RAB35: variants seen among roughly 807,000 people sequenced by gnomAD.
The protein encoded by RAB35 is RAB35, member RAS oncogene family, also known as ras-related protein Rab-35.
A neutral mutation model predicts 28.9 loss-of-function variants in RAB35; 4 were observed. The observed-to-expected ratio is 0.14, with a 90% confidence interval of 0.07 to 0.32. The LOEUF is 0.32. Ranked by LOEUF, RAB35 falls within the 10% of genes least tolerant of loss-of-function variation. The probability of loss-of-function intolerance (pLI) is 1.00; values close to 1 mark genes in which losing one functional copy is unlikely to be tolerated. For synonymous variants in RAB35, 99 were observed against 105.1 expected (o/e 0.94, Z 0.35); for missense variants, 128 against 274.0 (o/e 0.47, Z 3.76).
In RAB35 at chr12:120,095,582, C is replaced by G. The variant is rs1280194700; in HGVS notation, c.*1663G>C. On this transcript the variant is annotated 3_prime_UTR_variant, in exon 6 of 6. Transcript: ENST00000229340. ...CGCTTCTGCTCCTGCCGCCCCCGCCCCCGACCAGATGAGGCTGCCTGCTGG... is the reference window on the plus strand; with the variant it reads ...CGCTTCTGCTCCTGCCGCCCCCGCCGCCGACCAGATGAGGCTGCCTGCTGG... 6.6e-6 allele frequency: 1 copy of G among 152,376 alleles called. No individual in the cohort carries two copies. Among genetic ancestry groups the G allele is most frequent in the Admixed American group, 6.6e-5 (1 of 15,264 alleles). 9.4% of individuals were successfully genotyped at this position (152,376 alleles called of 1,614,324 possible). A position where few individuals can be genotyped will look rare whatever the true frequency, so the allele number is the denominator to read the frequency against.
Position 120,103,713 on chromosome 12 carries a change from C to A in RAB35, c.227+113G>T. On this transcript the variant is annotated intron_variant, in intron 3 of 5. Coordinates refer to ENST00000229340, the MANE Select transcript of RAB35 (RefSeq NM_006861.7). This position sits in a 1 kb window ranked among gnomAD's most constrained non-coding sequence, Gnocchi z 6.1. Reference sequence around the variant, plus strand: ...TACAGCCAACAACAGGCTCACTTCCCGACAGCCTCAGGGACCCACCAGTGA... The same window carrying A: ...TACAGCCAACAACAGGCTCACTTCCAGACAGCCTCAGGGACCCACCAGTGA... 1.4e-6 allele frequency: 2 copies of A among 1,478,236 alleles called. No homozygotes were observed. Among genetic ancestry groups the A allele is most frequent in the East Asian group, 2.3e-5 (1 of 42,938 alleles). 91.6% of individuals were successfully genotyped at this position (1,478,236 alleles called of 1,614,324 possible). A position where few individuals can be genotyped will look rare whatever the true frequency, so the allele number is the denominator to read the frequency against.
At chr12:120,110,847 C>A (rs1876087745) in intron 1 of RAB35, among the ~76,000 whole-genome samples, 2 of 152,220 alleles carry the variant, frequency 1.3e-5, no homozygotes, top group Admixed American at 1.3e-4. Context: ...CTGCAGGGCT[C>A]ATGCTCAGGG....
chr12:120,098,516 TGGTGTGGGACAGAG>T (rs1875527584), intron 5 of RAB35, among the ~76,000 whole-genome samples: 3 of 152,260 alleles, frequency 2.0e-5, no homozygotes, highest in Non-Finnish European at 4.4e-5. Context: ...TGCTTGGCTT[TGGTGTGGGACAGAG>T]GTTTACTCAG....
chr12:120,116,202 C>A (rs747889804), intron 1 of RAB35, among the ~76,000 whole-genome samples: 10 of 152,192 alleles, frequency 6.6e-5, no homozygotes, highest in Non-Finnish European at 1.0e-4. Context: ...ATCCTCACAC[C>A]ACCCAGCAAG....
Position 120,116,685 on chromosome 12 carries a change from T to G in RAB35, c.-35A>C, listed in dbSNP as rs1178790980. 2.6e-5 allele frequency: 32 copies of G among 1,219,266 alleles called. No homozygotes were observed. The highest frequency in any genetic ancestry group is 3.1e-4 in the Middle Eastern group (1 of 3,184). The allele number at this position is 1,219,266 out of a possible 1,614,324, so 75.5% of individuals were successfully genotyped here. On this transcript the variant is annotated 5_prime_UTR_variant, in exon 1 of 6. Transcript: ENST00000229340. ...GGGCGGTGCGCGCGGGCGGGCGGGG[T>G]CGGTACTGGCCTCGCGATCCGCAGC...
chr12:120,096,764 A>G lies in RAB35; in HGVS notation c.*481T>C. 2 of 1,290,178 alleles carry G rather than the reference A, an allele frequency of 1.6e-6. No homozygotes were observed. Among genetic ancestry groups the G allele is most frequent in the Non-Finnish European group, 2.0e-6 (2 of 989,128 alleles). 79.9% of individuals were successfully genotyped at this position (1,290,178 alleles called of 1,614,324 possible). A position where few individuals can be genotyped will look rare whatever the true frequency, so the allele number is the denominator to read the frequency against. On this transcript the variant is annotated 3_prime_UTR_variant, in exon 6 of 6. Transcript: ENST00000229340. ...GACAACCTGTCGGAGAGAATGAGCA[A>G]CGCGGAGCCCACTCCACTGGCACGG...
At chr12:120,102,781 G>T (rs1875710676) in intron 3 of RAB35, among the ~76,000 whole-genome samples, 1 of 152,234 alleles carries the variant, frequency 6.6e-6, no homozygotes, top group Admixed American at 6.5e-5. Context: ...AAGGAAGGGG[G>T]CCGCTGGCTG....
intron 1 of RAB35, among the ~76,000 whole-genome samples, chr12:120,110,036 A>C (rs1322855537): frequency 6.6e-6 from 1 of 152,176 alleles, no homozygotes; most frequent in African/African-American, 2.4e-5. Flanking sequence ...GGCCGGCCTA[A>C]GTGCCTCTGT....
At chr12:120,098,648 C>G (rs185501932) in intron 5 of RAB35, among the ~76,000 whole-genome samples, 163 bp downstream of exon 5, 38 of 152,384 alleles carry the variant, frequency 2.5e-4, no homozygotes, top group Admixed American at 9.1e-4. Flanking sequence ...GACTGTTGAA[C>G]TATGAACTAA....
At chr12:120,113,775 G>A (rs140277453) in intron 1 of RAB35, among the ~76,000 whole-genome samples, 6,823 of 150,002 alleles carry the variant, frequency 0.045, 231 homozygotes, top group Non-Finnish European at 0.073. Flanking sequence ...CCGAGATCGC[G>A]CCACTGCACT....
Position 120,096,554 on chromosome 12 carries a change from A to T in RAB35, c.*691T>A. ...GGTTTGGAGCTCAGAGGCATCTAGAAGGCAGGACAAGAAATCTGTTGGCCA... is the reference window on the plus strand; with the variant it reads ...GGTTTGGAGCTCAGAGGCATCTAGATGGCAGGACAAGAAATCTGTTGGCCA... On this transcript the variant is annotated 3_prime_UTR_variant, in exon 6 of 6. Transcript: ENST00000229340. 7.8e-7 allele frequency: 1 copy of T among 1,289,772 alleles called. No individual in the cohort carries two copies. The highest frequency in any genetic ancestry group is 1.0e-6 in the Non-Finnish European group (1 of 988,880). 79.9% of individuals were successfully genotyped at this position (1,289,772 alleles called of 1,614,324 possible).
chr12:120,108,550 C>T (rs1394496051), intron 1 of RAB35, 83 bp from the exon 2 acceptor site: 2 of 1,333,054 alleles, frequency 1.5e-6, no homozygotes, highest in Non-Finnish European at 1.1e-6. Context: ...GAGAGGATGC[C>T]TCAGTCCCAA....
Position 120,108,366 on chromosome 12 carries a change from CAACA to C in RAB35, c.103+47_103+50del, listed in dbSNP as rs754465362. 24 of 1,546,316 alleles carry C rather than the reference CAACA, an allele frequency of 1.6e-5. No homozygotes were observed. In the East Asian group the frequency reaches 3.4e-4, roughly 22 times the overall value. ...CTGTTTGGTGCCAGGGAGGGGATGT[CAACA>C]AACAAACAAAAACGACACCCCAGCA... On this transcript the variant is annotated intron_variant, in intron 2 of 5. Transcript: ENST00000229340.
intron 2 of RAB35, among the ~76,000 whole-genome samples, chr12:120,106,267 T>C (rs1875867952): frequency 6.6e-6 from 1 of 152,212 alleles, no homozygotes; most frequent in Non-Finnish European, 1.5e-5. Context: ...GTTAATCAGC[T>C]ATCATTCTTA....
Position 120,108,320 on chromosome 12 carries a change from CAACATCAGGCA to C in RAB35, c.103+86_103+96del. The C allele has an allele frequency of 6.3e-6, 8 of 1,278,842 alleles. 1 individual carries two copies. In the South Asian group the frequency reaches 8.8e-5, roughly 14 times the overall value. 79.2% of individuals were successfully genotyped at this position (1,278,842 alleles called of 1,614,324 possible). On this transcript the variant is annotated intron_variant, in intron 2 of 5. Transcript: ENST00000229340. Reference sequence around the variant, plus strand: ...CTGGCAACCAGAATGAGACAGTTCCCAACATCAGGCAGAGGCAACTCTGTTTGGTGCCAGGG... The same window carrying C: ...CTGGCAACCAGAATGAGACAGTTCCCGAGGCAACTCTGTTTGGTGCCAGGG...
intron 1 of RAB35, among the ~76,000 whole-genome samples, chr12:120,115,711 A>G (rs1207643083): frequency 6.6e-6 from 1 of 152,254 alleles, no homozygotes; most frequent in African/African-American, 2.4e-5. Flanking sequence ...CACTGGAGCT[A>G]GAGCAGTGAT....
In RAB35 at chr12:120,097,158, A is replaced by G. The variant is rs765236566; in HGVS notation, c.*87T>C. The G allele has an allele frequency of 6.1e-5, 99 of 1,612,364 alleles. No individual in the cohort carries two copies. Among genetic ancestry groups the G allele is most frequent in the Non-Finnish European group, 7.9e-5 (93 of 1,179,498 alleles). On this transcript the variant is annotated 3_prime_UTR_variant, in exon 6 of 6. Transcript: ENST00000229340. Reference sequence around the variant, plus strand: ...AGAGAATTCTTTAAATAACGGCACGAAACTGAGACTGTCCCCCGAGGAACC... The same window carrying G: ...AGAGAATTCTTTAAATAACGGCACGGAACTGAGACTGTCCCCCGAGGAACC...
rs1289385134 is a variant in RAB35, at chr12:120,096,251, A to AG, written c.*993dup. 4.4e-6 allele frequency: 2 copies of AG among 452,810 alleles called. No individual in the cohort carries two copies. The highest frequency in any genetic ancestry group is 7.4e-6 in the Non-Finnish European group (2 of 270,060). The allele number at this position is 452,810 out of a possible 1,614,324, so 28.0% of individuals were successfully genotyped here. A position where few individuals can be genotyped will look rare whatever the true frequency, so the allele number is the denominator to read the frequency against. Reference sequence around the variant, plus strand: ...TCTCCGCTCCCACCAAGAAAGCCCAAGAGTCCAGCCCCACAATGGCAGGAA... The same window carrying AG: ...TCTCCGCTCCCACCAAGAAAGCCCAAGGAGTCCAGCCCCACAATGGCAGGAA... On this transcript the variant is annotated 3_prime_UTR_variant, in exon 6 of 6. Coordinates refer to ENST00000229340, the MANE Select transcript of RAB35 (RefSeq NM_006861.7).
rs112996231 is a variant in RAB35, at chr12:120,098,247, G to A, written c.477+564C>T. Among the ~76,000 whole-genome samples the A allele has an allele frequency of 2.7e-3, 406 of 152,368 alleles. 2 individuals are homozygous for A. Among genetic ancestry groups the A allele is most frequent in the African/African-American group, 9.5e-3 (396 of 41,586 alleles). On this transcript the variant is annotated intron_variant, in intron 5 of 5. Transcript: ENST00000229340. ...TGCTGTTCACGGACATAGGTGACCC[G>A]GGGTCTGCCTGCTCCACGCCACTTC...
Sources: gnomAD v4.1 joint callset for allele counts (sites outside exome capture counted in the v4.1 genomes callset) on GRCh38, gnomAD v4.1.1 for gene constraint, Gnocchi (gnomAD v3.1) non-coding constraint, MANE v1.5 for transcripts, NCBI Gene and HGNC (gene_info 2026-07-23, HGNC 2026-07-21) for gene names.